BNC2: variants seen among roughly 807,000 people sequenced by gnomAD.
BNC2 encodes the protein zinc finger protein basonuclin-2.
In BNC2, 20 loss-of-function variants were observed where a neutral mutation model predicts 76.3. The ratio of observed to expected loss-of-function variants is 0.26; its 90% confidence interval spans 0.18 to 0.38. The LOEUF (loss-of-function observed/expected upper bound fraction) is 0.38. Ranked by LOEUF, BNC2 falls within the 10% of genes least tolerant of loss-of-function variation. BNC2 has a pLI of 1.00. For synonymous variants in BNC2, 582 were observed against 514.8 expected (o/e 1.13, Z -1.77); for missense variants, 1,382 against 1,399.8 (o/e 0.99, Z 0.20).
intron 3 of BNC2, among the ~76,000 whole-genome samples, chr9:16,639,704 C>G (rs1461251676): frequency 6.6e-6 from 1 of 152,080 alleles, no homozygotes; most frequent in Non-Finnish European, 1.5e-5. Context: ...ACCGCTTGAG[C>G]CCAAGAGTTT....
At chr9:16,733,551 C>CA (rs879401307) in intron 2 of BNC2, among the ~76,000 whole-genome samples, 19 of 144,532 alleles carry the variant, frequency 1.3e-4, no homozygotes, top group South Asian at 2.2e-4. Flanking sequence ...TCCTCCCGCC[C>CA]AAAAAAAAAA....
chr9:16,723,686 A>G (rs188787090), intron 3 of BNC2, among the ~76,000 whole-genome samples: 21 of 152,200 alleles, frequency 1.4e-4, no homozygotes, highest in African/African-American at 5.1e-4. Flanking sequence ...GAAAGGTGCT[A>G]GATTTTTATA....
chr9:16,766,415 T>G (rs563371552), intron 1 of BNC2, among the ~76,000 whole-genome samples: 1 of 152,230 alleles, frequency 6.6e-6, no homozygotes. Context: ...GATGCTTAAA[T>G]TCCTCAAATC....
At position 16,665,314 on chromosome 9, in the gene BNC2, A is replaced by G. The variant is rs138633646; in HGVS notation, c.330+62483T>C. On this transcript the variant is annotated intron_variant, in intron 3 of 6. Transcript: ENST00000380672. ...GAACCTAGGAGGTGGAGGTTGCAGT[A>G]AGCTAAGACCGTGCCACTGTACTCC... The G allele has an allele frequency of 9.9e-3, 3,058 of 307,484 alleles. 106 individuals carry two copies. Among genetic ancestry groups the G allele is most frequent in the African/African-American group, 0.062 (2,667 of 43,314 alleles). 19.0% of individuals were successfully genotyped at this position (307,484 alleles called of 1,614,324 possible). A position where few individuals can be genotyped will look rare whatever the true frequency, so the allele number is the denominator to read the frequency against.
intron 5 of BNC2, among the ~76,000 whole-genome samples, chr9:16,523,650 C>T (rs1294709570): frequency 1.3e-5 from 2 of 151,298 alleles, no homozygotes; most frequent in Non-Finnish European, 3.0e-5. Context: ...TCTTTTGGCC[C>T]AGCGCGGTGG....
intron 3 of BNC2, among the ~76,000 whole-genome samples, chr9:16,614,304 G>A (rs1431944913): frequency 3.0e-5 from 1 of 33,662 alleles, no homozygotes; most frequent in East Asian, 6.3e-3. Context: ...TATTAGCAAG[G>A]ATGGGGGTCT....
chr9:16,839,225 A>T (rs971413172), intron 1 of BNC2, among the ~76,000 whole-genome samples: 1 of 152,256 alleles, frequency 6.6e-6, no homozygotes, highest in Non-Finnish European at 1.5e-5. Context: ...TATAATATAC[A>T]TATCTGAAAG....
intron 3 of BNC2, among the ~76,000 whole-genome samples, chr9:16,671,429 C>G (rs955831549): frequency 4.6e-5 from 7 of 152,168 alleles, no homozygotes; most frequent in African/African-American, 1.7e-4. Flanking sequence ...CCTTTCACAT[C>G]CAAAAGAACA....
intron 1 of BNC2, among the ~76,000 whole-genome samples, chr9:16,789,712 C>T (rs964224521): frequency 3.9e-5 from 6 of 152,124 alleles, no homozygotes; most frequent in African/African-American, 1.2e-4. Flanking sequence ...ATGTTATAGG[C>T]ATATGTTATA....
chr9:16,587,023 A>G (rs2133112005), intron 3 of BNC2, among the ~76,000 whole-genome samples: 1 of 152,322 alleles, frequency 6.6e-6, no homozygotes, highest in Non-Finnish European at 1.5e-5. Context: ...TACAGAGTTT[A>G]CAAACATCAG....
intron 3 of BNC2, among the ~76,000 whole-genome samples, chr9:16,625,212 T>C (rs1820960753): frequency 6.6e-6 from 1 of 152,216 alleles, no homozygotes; most frequent in African/African-American, 2.4e-5. Context: ...CTGTGCTTTC[T>C]TTGGATAAAA....
intron 3 of BNC2, among the ~76,000 whole-genome samples, chr9:16,675,343 C>G (rs749132373): frequency 1.3e-5 from 2 of 152,096 alleles, no homozygotes; most frequent in Non-Finnish European, 2.9e-5. Context: ...CAACCTCTGC[C>G]TCCGGGCTCA....
At chr9:16,435,251 A>G (rs1376684850) in intron 6 of BNC2, among the ~76,000 whole-genome samples, 2 of 152,232 alleles carry the variant, frequency 1.3e-5, no homozygotes, top group African/African-American at 4.8e-5. Context: ...AACCGTGTAC[A>G]TAGTTAACTT....
chr9:16,671,365 G>A (rs1241634619), intron 3 of BNC2, among the ~76,000 whole-genome samples: 1 of 152,178 alleles, frequency 6.6e-6, no homozygotes, highest in Non-Finnish European at 1.5e-5. Flanking sequence ...GAAAGGATAA[G>A]TGGTAAAAAG....
At chr9:16,797,436 A>G (rs911538039) in intron 1 of BNC2, among the ~76,000 whole-genome samples, 6 of 152,320 alleles carry the variant, frequency 3.9e-5, no homozygotes, top group African/African-American at 1.4e-4. Flanking sequence ...ACACATCACT[A>G]AACAATCATG....
At chr9:16,737,026 G>A (rs4961741) in intron 2 of BNC2, among the ~76,000 whole-genome samples, 28,719 of 150,834 alleles carry the variant, frequency 0.19, 2,721 homozygotes, top group East Asian at 0.28. Flanking sequence ...GACTGGTCTC[G>A]AACTCCCAAC....
At position 16,742,249 on chromosome 9, in the gene BNC2, T is replaced by A. The variant is rs542542641; in HGVS notation, c.4-3764A>T. Among the ~76,000 whole-genome samples the A allele has an allele frequency of 5.9e-5, 9 of 152,360 alleles. No individual in the cohort carries two copies. In the South Asian group the frequency reaches 1.7e-3, roughly 28 times the overall value. ...CTTTATGCTATGTCACCTATGTGAT[T>A]TGAACAAAGGCATAAAAGATGTGGA... On this transcript the variant is annotated intron_variant, in intron 1 of 6. Coordinates refer to ENST00000380672, the MANE Select transcript of BNC2 (RefSeq NM_017637.6).
chr9:16,844,774 C>G (rs1563968075), intron 1 of BNC2, among the ~76,000 whole-genome samples: 6 of 152,182 alleles, frequency 3.9e-5, no homozygotes, highest in Non-Finnish European at 1.5e-5. Flanking sequence ...GGATTACAGG[C>G]ATGCGCCACC....
chr9:16,867,031 A>C lies in BNC2; in HGVS notation c.3+3615T>G, dbSNP rs763158846. On this transcript the variant is annotated intron_variant, in intron 1 of 6. Transcript: ENST00000380672. ...GAATCTATAAACTGCTTCCAACCTA[A>C]GCTTTATGTACAGAATTCTATAGTG... 1.3e-5 allele frequency among the ~76,000 whole-genome samples: 2 copies of C among 152,262 alleles called. 1 individual carries two copies. Among genetic ancestry groups the C allele is most frequent in the South Asian group, 4.1e-4 (2 of 4,826 alleles).
Sources: gnomAD v4.1 joint callset for allele counts (sites outside exome capture counted in the v4.1 genomes callset) on GRCh38, gnomAD v4.1.1 for gene constraint, MANE v1.5 for transcripts, NCBI Gene and HGNC (gene_info 2026-07-23, HGNC 2026-07-21) for gene names.